DENND1A: variants seen among roughly 807,000 people sequenced by gnomAD.
DENND1A encodes the protein DENN domain containing 1A.
Under a neutral mutation model 113.7 loss-of-function variants are expected in DENND1A, and 51 were observed. That is an observed-to-expected ratio of 0.45 (90% confidence interval 0.36 to 0.57). The LOEUF is 0.57. DENND1A is among the 20% of genes least tolerant of loss of function. The probability of loss-of-function intolerance (pLI) is 0.00; values close to 1 mark genes in which losing one functional copy is unlikely to be tolerated. For synonymous variants in DENND1A, 565 were observed against 570.8 expected (o/e 0.99, Z 0.14); for missense variants, 1,258 against 1,395.9 (o/e 0.90, Z 1.57).
At chr9:123,894,916 G>C (rs1489670073) in intron 1 of DENND1A, among the ~76,000 whole-genome samples, 1 of 152,194 alleles carries the variant, frequency 6.6e-6, no homozygotes, top group Admixed American at 6.5e-5. Flanking sequence ...AACTGGGTTT[G>C]GCTAGGTGGA....
chr9:123,608,963 A>G (rs983165418), intron 11 of DENND1A, among the ~76,000 whole-genome samples: 2 of 152,242 alleles, frequency 1.3e-5, no homozygotes, highest in African/African-American at 2.4e-5. Flanking sequence ...ACATATATTT[A>G]GAGACTAAAG....
chr9:123,843,134 C>T (rs1427215801), intron 2 of DENND1A: 1 of 550,072 alleles, frequency 1.8e-6, no homozygotes, highest in Non-Finnish European at 3.7e-6. Context: ...TCTTGGAGAA[C>T]TTCTCAATAT....
intron 2 of DENND1A, among the ~76,000 whole-genome samples, chr9:123,819,386 T>G (rs973691903): frequency 6.6e-6 from 1 of 152,172 alleles, no homozygotes; most frequent in Non-Finnish European, 1.5e-5. Context: ...TAGATCCAGA[T>G]AATGTGATAG....
intron 2 of DENND1A, among the ~76,000 whole-genome samples, chr9:123,853,879 C>T (rs907340899): frequency 2.0e-5 from 3 of 151,910 alleles, no homozygotes; most frequent in South Asian, 2.1e-4. Context: ...CTCAATGGGC[C>T]GGAAAATGTC....
chr9:123,757,340 C>T (rs1009982437), intron 5 of DENND1A, among the ~76,000 whole-genome samples: 9 of 152,170 alleles, frequency 5.9e-5, no homozygotes, highest in African/African-American at 1.9e-4. Flanking sequence ...CAGACACATA[C>T]TTTATTAATA....
chr9:123,387,645 A>G, intron 22 of DENND1A, 85 bp downstream of exon 22: 10 of 1,077,788 alleles, frequency 9.3e-6, no homozygotes, highest in Non-Finnish European at 1.2e-5. Flanking sequence ...CACAAAGGCA[A>G]GCAGCACCAG....
At chr9:123,657,248 C>T (rs2062998782) in intron 8 of DENND1A, among the ~76,000 whole-genome samples, 1 of 152,170 alleles carries the variant, frequency 6.6e-6, no homozygotes, top group South Asian at 2.1e-4. Flanking sequence ...AAGGGAATGG[C>T]ACCTGGCAAA....
chr9:123,388,331 A>T (rs1232864189), intron 21 of DENND1A, among the ~76,000 whole-genome samples: 1 of 152,190 alleles, frequency 6.6e-6, no homozygotes, highest in Non-Finnish European at 1.5e-5. Context: ...AATTCATAGA[A>T]AAAAGACTGG....
At chr9:123,575,239 C>T (rs1411571271) in intron 12 of DENND1A, among the ~76,000 whole-genome samples, 5 of 152,166 alleles carry the variant, frequency 3.3e-5, no homozygotes, top group Admixed American at 3.3e-4. Flanking sequence ...AAGGAGCACA[C>T]AACCTACATC....
intron 13 of DENND1A, among the ~76,000 whole-genome samples, chr9:123,490,469 A>G (rs1382769181): frequency 3.3e-5 from 5 of 152,118 alleles, no homozygotes; most frequent in African/African-American, 1.2e-4. Context: ...GGCACCTGTA[A>G]TCCCAGCTAC....
At chr9:123,419,248 C>T (rs184676122) in intron 19 of DENND1A, among the ~76,000 whole-genome samples, 45 of 152,340 alleles carry the variant, frequency 3.0e-4, no homozygotes, top group Admixed American at 9.8e-4. Flanking sequence ...TGGCAGCTGG[C>T]GCATGACAGA....
chr9:123,909,592 C>A (rs1179975667), intron 1 of DENND1A, among the ~76,000 whole-genome samples: 1 of 151,940 alleles, frequency 6.6e-6, no homozygotes, highest in Admixed American at 6.6e-5. Flanking sequence ...CTGGTTGACA[C>A]TGATGAGATG....
At chr9:123,464,805 C>A (rs995542102) in intron 13 of DENND1A, among the ~76,000 whole-genome samples, 1 of 151,380 alleles carries the variant, frequency 6.6e-6, no homozygotes, top group African/African-American at 2.4e-5. Context: ...GCAGTGGAAG[C>A]TGGGAGATGG....
At chr9:123,580,704 C>T (rs528990360) in intron 12 of DENND1A, among the ~76,000 whole-genome samples, 1 of 152,234 alleles carries the variant, frequency 6.6e-6, no homozygotes, top group Non-Finnish European at 1.5e-5. Context: ...GGGATGGGAG[C>T]CTCAGATTCC....
At chr9:123,490,973 C>A (rs1228459276) in intron 13 of DENND1A, among the ~76,000 whole-genome samples, 8 of 152,214 alleles carry the variant, frequency 5.3e-5, no homozygotes, top group Non-Finnish European at 1.0e-4. Flanking sequence ...GAACCACATC[C>A]AGAATATCTG....
intron 10 of DENND1A, among the ~76,000 whole-genome samples, chr9:123,614,771 C>T (rs1047846869): frequency 6.6e-6 from 1 of 152,166 alleles, no homozygotes; most frequent in African/African-American, 2.4e-5. Context: ...TTACAATATA[C>T]ACATCACAGT....
At chr9:123,475,658 G>A (rs1440134853) in intron 13 of DENND1A, among the ~76,000 whole-genome samples, 5 of 152,238 alleles carry the variant, frequency 3.3e-5, no homozygotes, top group East Asian at 3.8e-4. Context: ...GGGGGTTCCC[G>A]CTGCTGCACA....
At chr9:123,924,040 G>A (rs1366384332) in intron 1 of DENND1A, among the ~76,000 whole-genome samples, 4 of 152,128 alleles carry the variant, frequency 2.6e-5, no homozygotes, top group African/African-American at 9.7e-5. Context: ...ACTGACAAAT[G>A]GATGAGTAAA....
chr9:123,612,889 A>C (rs937978653), intron 10 of DENND1A, among the ~76,000 whole-genome samples: 7 of 152,230 alleles, frequency 4.6e-5, no homozygotes, highest in African/African-American at 1.7e-4. Flanking sequence ...CGTACCTGGC[A>C]CAGCAGCAGC....
Sources: gnomAD v4.1 joint callset for allele counts (sites outside exome capture counted in the v4.1 genomes callset) on GRCh38, gnomAD v4.1.1 for gene constraint, MANE v1.5 for transcripts, NCBI Gene and HGNC (gene_info 2026-07-23, HGNC 2026-07-21) for gene names.